Variants in CSMD1 observed in about 807,000 individuals in gnomAD.
CSMD1 encodes the protein CUB and Sushi multiple domains 1.
CSMD1 carries 213 observed loss-of-function variants against 417.5 expected under a neutral mutation model. That is an observed-to-expected ratio of 0.51 (90% CI 0.46 to 0.57). CSMD1 has a LOEUF of 0.57. Among genes scored for constraint, CSMD1 ranks in the 20% least tolerant of loss-of-function variants. The pLI is 0.00. For synonymous variants in CSMD1, 2,862 were observed against 1,736.8 expected, an observed-to-expected ratio of 1.65 and a Z score of -16.11; for missense variants, 6,923 against 4,529.7, an observed-to-expected ratio of 1.53 and a Z score of -15.17.
rs774679523 is a variant in CSMD1 at position 3,753,937 on chromosome 8, C to T, written c.924G>A (p.Gln308=). 3 of 1,605,440 alleles carry T rather than the reference C, an allele frequency of 1.9e-6. No homozygotes were observed. The highest frequency in any genetic ancestry group is 2.6e-6 in the Non-Finnish European group (3 of 1,173,468). ...AAGATGGAGCATCCTTACCTTGGAACTGAGCGTTAAATCCTTTGCGTCGGT... is the reference window on the plus strand; with the variant it reads ...AAGATGGAGCATCCTTACCTTGGAATTGAGCGTTAAATCCTTTGCGTCGGT... The part of the protein sequence containing the change: ...SNHRRKGFNA[Q]FQVKKAIELK... Residue 308 remains glutamine, a synonymous_variant, in exon 6 of 70, where the codon CAG becomes CAA. Coordinates refer to ENST00000635120, the MANE Select transcript of CSMD1 (RefSeq NM_033225.6).
chr8:3,644,363 A>G (rs1308534458), intron 7 of CSMD1, among the ~76,000 whole-genome samples: 3 of 152,224 alleles, frequency 2.0e-5, no homozygotes, highest in Admixed American at 1.3e-4. Flanking sequence ...TGGCTCTAAA[A>G]TCAGCAGGTG....
At chr8:3,823,194 G>A (rs1563116016) in intron 5 of CSMD1, among the ~76,000 whole-genome samples, 2 of 152,052 alleles carry the variant, frequency 1.3e-5, no homozygotes, top group Non-Finnish European at 2.9e-5. Flanking sequence ...AGAACTCACA[G>A]TTTGCAATAT....
intron 10 of CSMD1, among the ~76,000 whole-genome samples, chr8:3,501,568 G>A (rs1035813579): frequency 6.6e-6 from 1 of 152,050 alleles, no homozygotes; most frequent in Non-Finnish European, 1.5e-5. Flanking sequence ...GAAATTAATG[G>A]GTTAGAAATG....
intron 5 of CSMD1, among the ~76,000 whole-genome samples, chr8:3,776,971 C>G (rs1051941466): frequency 1.3e-5 from 2 of 151,914 alleles, no homozygotes; most frequent in African/African-American, 4.8e-5. Flanking sequence ...ACCTGGGCCT[C>G]CCATAGTGCT....
intron 10 of CSMD1, among the ~76,000 whole-genome samples, chr8:3,516,541 A>G (rs771324604): frequency 3.3e-5 from 5 of 152,222 alleles, no homozygotes; most frequent in Non-Finnish European, 7.3e-5. Flanking sequence ...AGCACATCAC[A>G]TTATCAGGTC....
chr8:3,732,004 G>C (rs1271407772), intron 6 of CSMD1, among the ~76,000 whole-genome samples: 7 of 152,060 alleles, frequency 4.6e-5, no homozygotes. Context: ...CAGCAACATT[G>C]TAAGAAGAGC....
intron 25 of CSMD1, among the ~76,000 whole-genome samples, chr8:3,291,166 G>A (rs1343067860): frequency 6.6e-6 from 1 of 152,098 alleles, no homozygotes; most frequent in African/African-American, 2.4e-5. Flanking sequence ...TGCATCCCAG[G>A]GATGAAACCC....
chr8:4,015,661 TAAAAAAA>T (rs11371186), intron 4 of CSMD1, among the ~76,000 whole-genome samples: 1 of 97,474 alleles, frequency 1.0e-5, no homozygotes, highest in South Asian at 3.8e-4. Flanking sequence ...GTTTGAATCT[TAAAAAAA>T]AAAAAAAAAA....
intron 6 of CSMD1, among the ~76,000 whole-genome samples, chr8:3,708,827 C>A (rs946889674): frequency 1.3e-5 from 2 of 152,168 alleles, no homozygotes. Flanking sequence ...AGGCAGATCA[C>A]TCACTTCATG....
intron 48 of CSMD1, among the ~76,000 whole-genome samples, chr8:3,088,179 C>T (rs186451104): frequency 5.9e-4 from 90 of 152,242 alleles, no homozygotes; most frequent in South Asian, 1.0e-3. Flanking sequence ...TAATTTTACC[C>T]ACACAGAATG....
chr8:3,980,421 A>G (rs1037840469), intron 5 of CSMD1, among the ~76,000 whole-genome samples: 1 of 152,054 alleles, frequency 6.6e-6, no homozygotes, highest in African/African-American at 2.4e-5. Context: ...TCCCACTTCT[A>G]TGGTCAGGGA....
chr8:4,647,142 A>T (rs1162437657), intron 1 of CSMD1, among the ~76,000 whole-genome samples: 1 of 152,204 alleles, frequency 6.6e-6, no homozygotes, highest in Non-Finnish European at 1.5e-5. Context: ...ATGTATAAAA[A>T]TCACAAATGG....
intron 1 of CSMD1, among the ~76,000 whole-genome samples, chr8:4,707,445 G>A (rs1390331210): frequency 6.6e-6 from 1 of 152,182 alleles, no homozygotes; most frequent in Non-Finnish European, 1.5e-5. Flanking sequence ...TGCTGATGGT[G>A]GAAGGTCAGA....
chr8:4,231,961 C>A (rs569379391), intron 3 of CSMD1, among the ~76,000 whole-genome samples: 2 of 152,090 alleles, frequency 1.3e-5, no homozygotes, highest in African/African-American at 4.8e-5. Flanking sequence ...CTCCTCCTTT[C>A]TTTCTTTTGC....
At chr8:3,315,437 A>AGTGTGTGTGTGTGTGTGTGTGT (rs35460301) in intron 23 of CSMD1, among the ~76,000 whole-genome samples, 3 of 124,164 alleles carry the variant, frequency 2.4e-5, no homozygotes, top group African/African-American at 8.0e-5. Flanking sequence ...AGGTGAAGTG[A>AGTGTGTGTGTGTGTGTGTGTGT]GTGTGTGTGT....
intron 4 of CSMD1, among the ~76,000 whole-genome samples, chr8:3,998,855 T>A (rs1240018782): frequency 6.6e-6 from 1 of 150,392 alleles, no homozygotes; most frequent in Non-Finnish European, 1.5e-5. Flanking sequence ...TTATATGCAT[T>A]TTAAACTATA....
At chr8:4,108,051 GAGAC>G (rs1563133500) in intron 3 of CSMD1, among the ~76,000 whole-genome samples, 1 of 2,104 alleles carries the variant, frequency 4.8e-4, no homozygotes, top group African/African-American at 1.6e-3. Flanking sequence ...AAGAGAGACA[GAGAC>G]AGAGACAGAG....
intron 3 of CSMD1, among the ~76,000 whole-genome samples, chr8:4,143,626 C>A (rs897030311): frequency 2.2e-4 from 34 of 151,146 alleles, no homozygotes; most frequent in Non-Finnish European, 5.9e-5. Context: ...TGAGGGTACA[C>A]CTGATACCGG....
intron 49 of CSMD1, among the ~76,000 whole-genome samples, chr8:3,072,625 T>C (rs1005145882): frequency 1.3e-5 from 2 of 152,154 alleles, no homozygotes; most frequent in Non-Finnish European, 2.9e-5. Flanking sequence ...CTCAGATGTT[T>C]CATTTGTGGG....
Sources: allele counts gnomAD v4.1 joint callset (sites outside exome capture counted in the v4.1 genomes callset), GRCh38; gene constraint gnomAD v4.1.1; transcripts MANE v1.5; gene names NCBI Gene and HGNC (gene_info 2026-07-23, HGNC 2026-07-21).